Variants in MDFIC observed in about 807,000 individuals in gnomAD.
MDFIC encodes myoD family inhibitor domain-containing protein.
In MDFIC, 17 loss-of-function variants were observed where a neutral mutation model predicts 23.2. That is an observed-to-expected ratio of 0.73 (90% CI 0.50 to 1.10). The LOEUF is 1.10. MDFIC is among the 50% of genes least tolerant of loss of function. The probability of loss-of-function intolerance (pLI) is 0.00; values close to 1 mark genes in which losing one functional copy is unlikely to be tolerated. For synonymous variants in MDFIC, 120 were observed against 115.2 expected, an observed-to-expected ratio of 1.04 and a Z score of -0.27; for missense variants, 356 against 316.6, an observed-to-expected ratio of 1.12 and a Z score of -0.95.
At chr7:114,930,594 C>T (rs1276464824) in intron 2 of MDFIC, among the ~76,000 whole-genome samples, 1 of 152,092 alleles carries the variant, frequency 6.6e-6, no homozygotes, top group Non-Finnish European at 1.5e-5. Flanking sequence ...ACCTCGTTTC[C>T]TGGATCTTGT....
intron 3 of MDFIC, among the ~76,000 whole-genome samples, chr7:114,955,277 T>G (rs946054596): frequency 1.3e-5 from 2 of 152,198 alleles, no homozygotes; most frequent in Non-Finnish European, 2.9e-5. Context: ...TCTCTACTAC[T>G]TCCTTTCATG....
At chr7:114,925,567 G>A (rs1225710411) in intron 2 of MDFIC, among the ~76,000 whole-genome samples, 1 of 152,170 alleles carries the variant, frequency 6.6e-6, no homozygotes, top group East Asian at 1.9e-4. Context: ...AATAGTTACA[G>A]AGCAGGGACA....
intron 3 of MDFIC, among the ~76,000 whole-genome samples, chr7:114,968,277 CA>C (rs1004831252): frequency 5.3e-5 from 8 of 152,058 alleles, no homozygotes; most frequent in African/African-American, 1.9e-4. Context: ...AATCATGCTC[CA>C]AAAAATTAAA....
chr7:115,009,727 C>T (rs894184301), intron 4 of MDFIC, among the ~76,000 whole-genome samples: 3 of 152,204 alleles, frequency 2.0e-5, no homozygotes, highest in African/African-American at 7.2e-5. Flanking sequence ...AAGCGTAACA[C>T]TGATGACCTT....
intron 4 of MDFIC, among the ~76,000 whole-genome samples, chr7:115,011,154 C>T (rs570449914): frequency 2.0e-5 from 3 of 152,230 alleles, no homozygotes; most frequent in Non-Finnish European, 4.4e-5. Context: ...GGTTAACTGC[C>T]TGGGTCCTGA....
At chr7:114,999,842 T>C (rs1327629680) in intron 4 of MDFIC, among the ~76,000 whole-genome samples, 2 of 152,166 alleles carry the variant, frequency 1.3e-5, no homozygotes, top group Admixed American at 6.5e-5. Context: ...TTAAATTAAA[T>C]TTGTTATTTC....
At chr7:114,942,432 G>C (rs1792562673) in intron 3 of MDFIC, 35 bp downstream of exon 3, 1 of 1,525,340 alleles carries the variant, frequency 6.6e-7, no homozygotes, top group South Asian at 1.3e-5. Context: ...GAGTGATTTT[G>C]GGATATGACT....
chr7:114,954,822 G>A (rs1450480669), intron 3 of MDFIC, among the ~76,000 whole-genome samples: 1 of 152,096 alleles, frequency 6.6e-6, no homozygotes, highest in African/African-American at 2.4e-5. Flanking sequence ...TTCTCATTTA[G>A]TGCAGTGGGC....
chr7:114,991,208 C>T (rs542505453), intron 4 of MDFIC, among the ~76,000 whole-genome samples: 2 of 152,014 alleles, frequency 1.3e-5, no homozygotes, highest in Admixed American at 1.3e-4. Flanking sequence ...TTGTTTTTTT[C>T]TTGTAAATTT....
rs1292787897 is a variant in MDFIC at position 114,932,185 on chromosome 7, C to CT, written c.94+9059dup. ...CTAAAATATCTATGTTCAAATAACT[C>CT]TATCAGTTTTTCACCAATATGCAAA... On this transcript the variant is annotated intron_variant, in intron 2 of 4. Coordinates refer to ENST00000393486, the MANE Select transcript of MDFIC (RefSeq NM_001166345.3). Among the ~76,000 whole-genome samples, 3 of 152,262 alleles carry CT rather than the reference C, an allele frequency of 2.0e-5. No homozygotes were observed. In the East Asian group the frequency reaches 5.8e-4, roughly 29 times the overall value.
chr7:114,996,764 G>T (rs934146298), intron 4 of MDFIC, among the ~76,000 whole-genome samples: 4 of 152,158 alleles, frequency 2.6e-5, no homozygotes, highest in Non-Finnish European at 5.9e-5. Flanking sequence ...GTGGGTCCAA[G>T]GTATCAGCAT....
intron 3 of MDFIC, among the ~76,000 whole-genome samples, chr7:114,961,751 C>T (rs1188612968): frequency 6.6e-6 from 1 of 152,060 alleles, no homozygotes; most frequent in Non-Finnish European, 1.5e-5. Flanking sequence ...ACAAGAAGAT[C>T]TCATGAGAAC....
At chr7:114,937,820 G>T (rs1289745915) in intron 2 of MDFIC, among the ~76,000 whole-genome samples, 1 of 152,174 alleles carries the variant, frequency 6.6e-6, no homozygotes, top group Non-Finnish European at 1.5e-5. Flanking sequence ...TTTGGAAGTA[G>T]ATGCCAGTGG....
intron 2 of MDFIC, among the ~76,000 whole-genome samples, chr7:114,929,096 T>TATCTATCTATCTATCTATCTATC (rs1686389964): frequency 6.6e-6 from 1 of 151,884 alleles, no homozygotes; most frequent in Non-Finnish European, 1.5e-5. Context: ...TCTATCTATC[T>TATCTATCTATCTATCTATCTATC]ATCTATCATC....
chr7:114,995,309 G>A (rs949667059), intron 4 of MDFIC, among the ~76,000 whole-genome samples: 3 of 152,074 alleles, frequency 2.0e-5, no homozygotes, highest in African/African-American at 7.2e-5. Context: ...CCTTTAGCTT[G>A]GAGAAGTTTG....
chr7:114,933,865 A>T (rs1489960013), intron 2 of MDFIC: 1 of 152,196 alleles, frequency 6.6e-6, no homozygotes, highest in Non-Finnish European at 1.5e-5. Flanking sequence ...AAATGTGATG[A>T]ATCAGTGAAA....
At chr7:114,928,287 T>C (rs1397239792) in intron 2 of MDFIC, among the ~76,000 whole-genome samples, 1 of 151,800 alleles carries the variant, frequency 6.6e-6, no homozygotes, top group Admixed American at 6.6e-5. Context: ...TTTGGAGAGG[T>C]TGAACTGTTT....
chr7:115,009,791 G>A (rs2116127246), intron 4 of MDFIC, among the ~76,000 whole-genome samples: 1 of 152,284 alleles, frequency 6.6e-6, no homozygotes, highest in Admixed American at 6.5e-5. Flanking sequence ...TTCATAACAG[G>A]TTTTGTTGCT....
intron 2 of MDFIC, among the ~76,000 whole-genome samples, chr7:114,924,798 A>G (rs975665729): frequency 6.6e-6 from 1 of 152,226 alleles, no homozygotes; most frequent in African/African-American, 2.4e-5. Flanking sequence ...TTAAAATATG[A>G]TGTCTTAAAC....
Sources: allele counts gnomAD v4.1 joint callset (sites outside exome capture counted in the v4.1 genomes callset), GRCh38; gene constraint gnomAD v4.1.1; transcripts MANE v1.5; gene names NCBI Gene and HGNC (gene_info 2026-07-23, HGNC 2026-07-21).